The following UBE2D2 variants were observed in gnomAD, a reference collection of about 807,000 sequenced individuals.
UBE2D2 encodes the protein ubiquitin-conjugating enzyme E2 D2.
In UBE2D2, 2 loss-of-function variants were observed where a neutral mutation model predicts 24.2. The observed-to-expected ratio is 0.08, with a 90% confidence interval of 0.03 to 0.26. The LOEUF is 0.26. Ranked by LOEUF, UBE2D2 falls within the 10% of genes least tolerant of loss-of-function variation. The probability of loss-of-function intolerance (pLI) is 1.00; values close to 1 mark genes in which losing one functional copy is unlikely to be tolerated. For synonymous variants in UBE2D2, 58 were observed against 56.5 expected, an observed-to-expected ratio of 1.03 and a Z score of -0.12; for missense variants, 44 against 177.6, an observed-to-expected ratio of 0.25 and a Z score of 4.28.
chr5:139,541,320 G>A (rs1407164407), intron 1 of UBE2D2, among the ~76,000 whole-genome samples: 2 of 149,674 alleles, frequency 1.3e-5, no homozygotes, highest in South Asian at 2.1e-4. Flanking sequence ...AAAGCGGGGG[G>A]ACCGGGCATG....
At chr5:139,583,955 G>A (rs950339822) in intron 1 of UBE2D2, among the ~76,000 whole-genome samples, 2 of 152,066 alleles carry the variant, frequency 1.3e-5, no homozygotes, top group African/African-American at 4.8e-5. Context: ...CTCTTGTAGC[G>A]CAATTCCTTT....
At chr5:139,543,125 G>A (rs1403452129) in intron 1 of UBE2D2, among the ~76,000 whole-genome samples, 1 of 151,892 alleles carries the variant, frequency 6.6e-6, no homozygotes, top group African/African-American at 2.4e-5. Context: ...TCGAACTCCT[G>A]ACCTCGTGAT....
At chr5:139,568,557 C>G (rs1370681645) in intron 1 of UBE2D2, among the ~76,000 whole-genome samples, 1 of 152,004 alleles carries the variant, frequency 6.6e-6, no homozygotes, top group Admixed American at 6.6e-5. Flanking sequence ...ATTCGGGAGA[C>G]TGAGGCAGGA....
At chr5:139,563,386 T>C (rs546529490) in intron 1 of UBE2D2, among the ~76,000 whole-genome samples, 2 of 152,152 alleles carry the variant, frequency 1.3e-5, no homozygotes, top group East Asian at 1.9e-4. Context: ...GAAATGGTAT[T>C]TGTTAAATAC....
chr5:139,598,552 CTTTTTTTTTTTTTTT>C (rs746165110), intron 1 of UBE2D2, among the ~76,000 whole-genome samples: 3 of 104,940 alleles, frequency 2.9e-5, no homozygotes, highest in Admixed American at 9.7e-5. Context: ...ACTACAAAGC[CTTTTTTTTTTTTTTT>C]TTTTTTTTTT....
rs1410176921 is a variant in UBE2D2, at chr5:139,627,356, A to G, written c.*555A>G. The G allele has an allele frequency of 6.5e-6, 1 of 153,154 alleles. No homozygotes were observed. The highest frequency in any genetic ancestry group is 1.5e-5 in the Non-Finnish European group (1 of 68,416). The allele number at this position is 153,154 out of a possible 1,614,324, so 9.5% of individuals were successfully genotyped here. ...TTTAAGGTCTAAGTTTAACTGGTCA[A>G]CATTTAAATGGATTGGAGCTATTAG... On this transcript the variant is annotated 3_prime_UTR_variant, in exon 7 of 7. Transcript: ENST00000398733.
intron 5 of UBE2D2, among the ~76,000 whole-genome samples, chr5:139,621,638 T>C (rs765070022): frequency 1.3e-5 from 2 of 152,204 alleles, no homozygotes; most frequent in Non-Finnish European, 2.9e-5. Context: ...TTTTTTTCTT[T>C]TTGAGGCAGG....
chr5:139,558,804 T>C (rs1193944016), upstream of UBE2D2, among the ~76,000 whole-genome samples: 1 of 152,064 alleles, frequency 6.6e-6, no homozygotes, highest in Non-Finnish European at 1.5e-5. Flanking sequence ...AACAAATACA[T>C]ATTGCTTTTT....
intron 1 of UBE2D2, among the ~76,000 whole-genome samples, chr5:139,596,269 ATC>A (rs1308249874): frequency 3.2e-4 from 48 of 150,606 alleles, no homozygotes; most frequent in African/African-American, 1.2e-3. Context: ...TTTAAAAAAG[ATC>A]TGTTTCTGAA....
chr5:139,597,219 T>TC (rs1273577896), intron 1 of UBE2D2, among the ~76,000 whole-genome samples: 1 of 152,062 alleles, frequency 6.6e-6, no homozygotes, highest in Non-Finnish European at 1.5e-5. Flanking sequence ...TTATAGTTAT[T>TC]CCCCCCTCCA....
chr5:139,561,546 G>A lies in UBE2D2; in HGVS notation c.-246G>A, dbSNP rs1032832252. The A allele has an allele frequency of 1.4e-5, 6 of 418,876 alleles. No homozygotes were observed. Among genetic ancestry groups the A allele is most frequent in the Non-Finnish European group, 2.1e-5 (5 of 238,126 alleles). 25.9% of individuals were successfully genotyped at this position (418,876 alleles called of 1,614,324 possible). On this transcript the variant is annotated 5_prime_UTR_variant, in exon 1 of 7. Coordinates refer to ENST00000398733, the MANE Select transcript of UBE2D2 (RefSeq NM_003339.3). Reference sequence around the variant, plus strand: ...GGAAGAGGCAGCTACGGCGGCGGCGGCGGTGGCGGCTAGGGCGGCGGCGAA... The same window carrying A: ...GGAAGAGGCAGCTACGGCGGCGGCGACGGTGGCGGCTAGGGCGGCGGCGAA...
At chr5:139,544,887 C>G (rs187031383) in intron 1 of UBE2D2, among the ~76,000 whole-genome samples, 1 of 151,990 alleles carries the variant, frequency 6.6e-6, no homozygotes, top group Admixed American at 6.6e-5. Flanking sequence ...AGCGATTCTC[C>G]TGCCTCAGCC....
chr5:139,548,403 C>T (rs1309765863), intron 1 of UBE2D2, among the ~76,000 whole-genome samples: 1 of 151,700 alleles, frequency 6.6e-6, no homozygotes, highest in Non-Finnish European at 1.5e-5. Context: ...GATTGCTACA[C>T]GGAGTGTGGG....
intron 1 of UBE2D2, among the ~76,000 whole-genome samples, chr5:139,588,009 A>G (rs1243751227): frequency 6.6e-6 from 1 of 152,130 alleles, no homozygotes; most frequent in African/African-American, 2.4e-5. Context: ...GGTCTAGGAA[A>G]TCCAGCTAGT....
At chr5:139,531,078 G>T (rs530583388) in intron 1 of UBE2D2, among the ~76,000 whole-genome samples, 1 of 152,158 alleles carries the variant, frequency 6.6e-6, no homozygotes, top group Non-Finnish European at 1.5e-5. Context: ...AGTCTCAAAG[G>T]GGGGGAAATG....
chr5:139,580,138 G>T (rs1434248185), intron 1 of UBE2D2, among the ~76,000 whole-genome samples: 1 of 151,950 alleles, frequency 6.6e-6, no homozygotes, highest in Admixed American at 6.6e-5. Flanking sequence ...TTGTCACCCA[G>T]CATTGAGTGC....
chr5:139,555,600 A>C (rs1379236249), intron 1 of UBE2D2, among the ~76,000 whole-genome samples: 1 of 152,104 alleles, frequency 6.6e-6, no homozygotes, highest in Non-Finnish European at 1.5e-5. Flanking sequence ...AAAGAAAATT[A>C]TAAAATTGGT....
At chr5:139,555,174 T>C (rs1752965119) in intron 1 of UBE2D2, among the ~76,000 whole-genome samples, 1 of 152,010 alleles carries the variant, frequency 6.6e-6, no homozygotes, top group Non-Finnish European at 1.5e-5. Context: ...GCCCCTGAAG[T>C]AGCTGGGACT....
At chr5:139,605,694 CT>C (rs1178613793) in intron 2 of UBE2D2, among the ~76,000 whole-genome samples, 2 of 151,298 alleles carry the variant, frequency 1.3e-5, no homozygotes, top group Non-Finnish European at 2.9e-5. Context: ...TCCTTTCCCC[CT>C]CCTCCTCCCC....
Sources: allele counts gnomAD v4.1 joint callset (sites outside exome capture counted in the v4.1 genomes callset), GRCh38; gene constraint gnomAD v4.1.1; transcripts MANE v1.5; gene names NCBI Gene and HGNC (gene_info 2026-07-23, HGNC 2026-07-21).